The following VEZT variants were observed in gnomAD, a reference collection of about 807,000 sequenced individuals.
The protein encoded by VEZT is vezatin, adherens junctions transmembrane protein.
In VEZT, 39 loss-of-function variants were observed where a neutral mutation model predicts 79.9. That is an observed-to-expected ratio of 0.49 (90% CI 0.38 to 0.64). The LOEUF is 0.64. VEZT is among the 30% of genes least tolerant of loss of function. The pLI is 0.00. For missense variants in VEZT, 837 were observed against 893.1 expected, an observed-to-expected ratio of 0.94 and a Z score of 0.80; for synonymous variants, 325 against 327.6, an observed-to-expected ratio of 0.99 and a Z score of 0.09.
intron 1 of VEZT, among the ~76,000 whole-genome samples, chr12:95,235,706 GGGC>G (rs1031738402): frequency 6.6e-6 from 1 of 151,030 alleles, no homozygotes; most frequent in Non-Finnish European, 1.5e-5. Context: ...GCGGCTGGCC[GGGC>G]GGGGGGCTGA....
chr12:95,246,218 G>C (rs894617662), intron 1 of VEZT, among the ~76,000 whole-genome samples: 1 of 152,084 alleles, frequency 6.6e-6, no homozygotes, highest in East Asian at 1.9e-4. Flanking sequence ...CACCTCCTGG[G>C]TTCAAGGGAT....
At chr12:95,226,266 A>G (rs1357536486) in intron 1 of VEZT, among the ~76,000 whole-genome samples, 1 of 152,138 alleles carries the variant, frequency 6.6e-6, no homozygotes. Flanking sequence ...TTTCAGATGT[A>G]GCTTTCCTGC....
At position 95,301,958 on chromosome 12, in the gene VEZT, G is replaced by A. The variant is rs2075260308; in HGVS notation, c.*1285G>A. 1 of 152,054 alleles carries A rather than the reference G, an allele frequency of 6.6e-6. No individual in the cohort carries two copies. The highest frequency in any genetic ancestry group is 2.4e-5 in the African/African-American group (1 of 41,400). The allele number at this position is 152,054 out of a possible 1,614,324, so 9.4% of individuals were successfully genotyped here. ...TTGGTTCTGCTTTATATAAACAGTA[G>A]AGATTATTGTACTATAAGTGATTTT... On this transcript the variant is annotated 3_prime_UTR_variant, in exon 12 of 12. Transcript: ENST00000436874.
chr12:95,249,911 G>T (rs2062257539), intron 1 of VEZT, among the ~76,000 whole-genome samples: 1 of 151,754 alleles, frequency 6.6e-6, no homozygotes, highest in Admixed American at 6.6e-5. Flanking sequence ...AAATAATAAT[G>T]ATAATGATGA....
rs61735397 is a variant in VEZT, at chr12:95,300,526, G to C, written c.2193G>C (p.Leu731=). The C allele has an allele frequency of 9.7e-4, 1,559 of 1,613,926 alleles. 18 individuals are homozygous for C. The African/African-American group carries it at 0.017, about 18-fold the overall frequency. Residue 731 remains leucine, a synonymous_variant, in exon 12 of 12, where the codon CTG becomes CTC. Transcript: ENST00000436874. ...SIKQRLARLQ[L]SPDFTFTAGL... ...AGCAGAGGCTGGCACGGCTACAGCT[G>C]TCACCAGATTTTACCTTCACTGCTG...
intron 11 of VEZT, chr12:95,296,593 T>TAAAATATTTA (rs2074182775): frequency 6.0e-6 from 1 of 166,422 alleles, no homozygotes; most frequent in African/African-American, 2.4e-5. Context: ...GTCCATATGT[T>TAAAATATTTA]AAAATATTTA....
intron 5 of VEZT, among the ~76,000 whole-genome samples, chr12:95,268,948 T>A (rs2066077277): frequency 6.6e-6 from 1 of 152,342 alleles, no homozygotes. Flanking sequence ...TCACAAATAA[T>A]TGAAACCTTT....
chr12:95,256,623 G>A (rs1254405546), intron 2 of VEZT: 10 of 1,287,032 alleles, frequency 7.8e-6, no homozygotes, highest in Admixed American at 2.3e-5. Context: ...GGCTATTAAG[G>A]TAAATTGAAT....
chr12:95,292,737 T>C (rs1381614742), intron 9 of VEZT, among the ~76,000 whole-genome samples: 1 of 151,804 alleles, frequency 6.6e-6, no homozygotes, highest in Non-Finnish European at 1.5e-5. Context: ...TTATTAGAGA[T>C]GGGGTTTCAC....
At position 95,282,342 on chromosome 12, in the gene VEZT, T is replaced by C; in HGVS notation, c.1026T>C (p.Ser342=). The change falls in exon 8 of 12, where the codon AGT becomes AGC. Residue 342 remains serine (S), a synonymous_variant. Transcript: ENST00000436874. ...KVLFQLWVAQ[S]SEFFRRLALL... is the part of the protein sequence containing the mutation. ...TGTTCCAACTCTGGGTGGCACAGAG[T>C]TCAGAGTTCTTCAGACGGTTAGCCC... The C allele has an allele frequency of 6.2e-7, 1 of 1,613,508 alleles. No individual in the cohort carries two copies. Among genetic ancestry groups the C allele is most frequent in the South Asian group, 1.1e-5 (1 of 91,008 alleles).
intron 4 of VEZT, among the ~76,000 whole-genome samples, chr12:95,263,467 T>C (rs763168157): frequency 6.6e-6 from 1 of 152,134 alleles, no homozygotes; most frequent in Non-Finnish European, 1.5e-5. Flanking sequence ...CTGGGCAACG[T>C]AGCAAAATCC....
intron 1 of VEZT, among the ~76,000 whole-genome samples, chr12:95,229,900 G>A (rs1222714823): frequency 6.6e-6 from 1 of 152,018 alleles, no homozygotes; most frequent in Non-Finnish European, 1.5e-5. Context: ...GATCAGCCTG[G>A]CCAACATGGT....
chr12:95,258,431 GTGCCTATAT>G, intron 3 of VEZT: 3 of 298,228 alleles, frequency 1.0e-5, no homozygotes, highest in South Asian at 9.5e-5. Context: ...CATCCCTTTT[GTGCCTATAT>G]TATGGAGAAC....
intron 3 of VEZT, among the ~76,000 whole-genome samples, chr12:95,261,646 G>A (rs1300386732): frequency 2.0e-5 from 3 of 152,110 alleles, no homozygotes; most frequent in African/African-American, 7.2e-5. Flanking sequence ...CCTGACCTCA[G>A]GTGATCCGCC....
At chr12:95,232,985 T>C (rs2059481992) in intron 1 of VEZT, among the ~76,000 whole-genome samples, 1 of 152,130 alleles carries the variant, frequency 6.6e-6, no homozygotes, top group Admixed American at 6.5e-5. Context: ...TTTGTATTTT[T>C]TGTGGAGACA....
chr12:95,254,339 C>CTTTTTTTTTT (rs34968028), intron 2 of VEZT, among the ~76,000 whole-genome samples: 3 of 69,404 alleles, frequency 4.3e-5, no homozygotes, highest in Non-Finnish European at 7.5e-5. Context: ...AAACGAAGTT[C>CTTTTTTTTTT]TTTTTTTTTT....
rs139443913 is a variant in VEZT at position 95,257,937 on chromosome 12, G to A, written c.258+698G>A. Among the ~76,000 whole-genome samples the A allele has an allele frequency of 6.6e-3, 1,000 of 152,238 alleles. 7 individuals carry two copies. Among genetic ancestry groups the A allele is most frequent in the Middle Eastern group, 0.02 (6 of 294 alleles). On this transcript the variant is annotated intron_variant, in intron 3 of 11. Coordinates refer to ENST00000436874, the MANE Select transcript of VEZT (RefSeq NM_017599.4). Reference sequence around the variant, plus strand: ...ATAAGATTTAGTCTGCTTCAGTAACGAGAAAACCAAGGTTCAGACAATCAG... The same window carrying A: ...ATAAGATTTAGTCTGCTTCAGTAACAAGAAAACCAAGGTTCAGACAATCAG...
In VEZT at chr12:95,274,891, T is replaced by G; in HGVS notation, c.996+2T>G. On this transcript the variant is annotated splice_donor_variant, in intron 7 of 11. Transcript: ENST00000436874. LOFTEE classifies it high-confidence loss of function. ...GGCTTCAGCCTGCCTGCATTGAAGG[T>G]AATCCATTTGTGTAAGGGAAGGGCT... 1 of 1,611,988 alleles carries G rather than the reference T, an allele frequency of 6.2e-7. No homozygotes were observed. The highest frequency in any genetic ancestry group is 8.5e-7 in the Non-Finnish European group (1 of 1,179,266).
intron 2 of VEZT, among the ~76,000 whole-genome samples, chr12:95,253,589 G>GATAAT (rs1430661304): frequency 6.6e-6 from 1 of 152,196 alleles, no homozygotes; most frequent in African/African-American, 2.4e-5. Context: ...ATGGCCAGGG[G>GATAAT]ATAGTCTTAG....
Sources: allele counts gnomAD v4.1 joint callset (sites outside exome capture counted in the v4.1 genomes callset), GRCh38; gene constraint gnomAD v4.1.1; transcripts MANE v1.5; gene names NCBI Gene and HGNC (gene_info 2026-07-23, HGNC 2026-07-21).